DYNLRB2: variants seen among roughly 807,000 people sequenced by gnomAD.
DYNLRB2 encodes the protein dynein light chain roadblock-type 2, also known as bithoraxoid-like protein.
Under a neutral mutation model 12.6 loss-of-function variants are expected in DYNLRB2, and 14 were observed. The ratio of observed to expected loss-of-function variants is 1.11; its 90% CI spans 0.73 to 1.73. The LOEUF is 1.73. Among genes scored for constraint, DYNLRB2 ranks in the 40% most tolerant of loss-of-function variants. The pLI is 0.00. For missense variants in DYNLRB2, 142 were observed against 117.7 expected, an observed-to-expected ratio of 1.21 and a Z score of -0.95; for synonymous variants, 53 against 37.0, an observed-to-expected ratio of 1.43 and a Z score of -1.57.
Position 80,544,523 on chromosome 16 carries a change from G to C in DYNLRB2, c.79+1172G>C, listed in dbSNP as rs111413236. 1.0e-3 allele frequency among the ~76,000 whole-genome samples: 154 copies of C among 152,296 alleles called. 2 individuals are homozygous for C. Among genetic ancestry groups the C allele is most frequent in the Middle Eastern group, 6.8e-3 (2 of 294 alleles). ...ATTTCCAGGAAGCATTCCAGCCCTA[G>C]TACGTGGATCTGGTTGCATTGATTT... On this transcript the variant is annotated intron_variant, in intron 2 of 3. Transcript: ENST00000305904.
intron 2 of DYNLRB2, among the ~76,000 whole-genome samples, chr16:80,545,067 C>T (rs1329798516): frequency 6.6e-6 from 1 of 152,102 alleles, no homozygotes; most frequent in Non-Finnish European, 1.5e-5. Context: ...ACTCTTCAAC[C>T]CTGTACAGGT....
chr16:80,543,197 T>C, intron 1 of DYNLRB2, 79 bp from the exon 2 acceptor site: 3 of 1,401,098 alleles, frequency 2.1e-6, no homozygotes, highest in Admixed American at 1.8e-5. Flanking sequence ...AGAGTAGGTA[T>C]CTTGCTAAAC....
intron 1 of DYNLRB2, chr16:80,541,387 G>T (rs1904286861): frequency 2.0e-6 from 2 of 984,594 alleles, no homozygotes; most frequent in African/African-American, 3.5e-5. Context: ...AGAAATCCGG[G>T]GAGCCAGGAA....
chr16:80,542,417 C>G (rs753539589), intron 1 of DYNLRB2, among the ~76,000 whole-genome samples: 1 of 152,126 alleles, frequency 6.6e-6, no homozygotes, highest in Non-Finnish European at 1.5e-5. Flanking sequence ...CTGCCCATAC[C>G]AAGTACAAAG....
intron 3 of DYNLRB2, 120 bp downstream of exon 3, chr16:80,549,771 A>T: frequency 9.7e-7 from 1 of 1,032,042 alleles, no homozygotes; most frequent in Non-Finnish European, 1.3e-6. Context: ...ATATTCTTCT[A>T]TTACAAAATG....
intron 1 of DYNLRB2, among the ~76,000 whole-genome samples, chr16:80,542,509 T>A (rs895173254): frequency 6.6e-6 from 1 of 152,234 alleles, no homozygotes; most frequent in African/African-American, 2.4e-5. Context: ...TCAAGAGAAT[T>A]TGCAGAATTC....
At chr16:80,542,063 A>G (rs959488446) in intron 1 of DYNLRB2, among the ~76,000 whole-genome samples, 10 of 152,166 alleles carry the variant, frequency 6.6e-5, no homozygotes, top group African/African-American at 2.4e-4. Context: ...TACCACTGTC[A>G]TTTGGAAATT....
chr16:80,550,740 T>G lies in DYNLRB2; in HGVS notation c.*182T>G. The G allele has an allele frequency of 1.5e-6, 1 of 656,748 alleles. No individual in the cohort carries two copies. The highest frequency in any genetic ancestry group is 2.6e-6 in the Non-Finnish European group (1 of 386,790). The allele number at this position is 656,748 out of a possible 1,614,324, so 40.7% of individuals were successfully genotyped here. ...ATTATATTGTGAAGTTGTACTTTAGTGATACAATAAGTGAATTCTGGTATA... is the reference window on the plus strand; with the variant it reads ...ATTATATTGTGAAGTTGTACTTTAGGGATACAATAAGTGAATTCTGGTATA... On this transcript the variant is annotated 3_prime_UTR_variant, in exon 4 of 4. Transcript: ENST00000305904.
chr16:80,547,067 A>G (rs1473364448), intron 2 of DYNLRB2, among the ~76,000 whole-genome samples: 17 of 152,222 alleles, frequency 1.1e-4, no homozygotes, highest in Non-Finnish European at 2.5e-4. Flanking sequence ...CTTGTTTACA[A>G]AAGTAAAAGA....
chr16:80,548,902 C>T (rs909787238), intron 2 of DYNLRB2: 12 of 455,818 alleles, frequency 2.6e-5, no homozygotes, highest in Middle Eastern at 3.2e-4. Context: ...GATGTACCCT[C>T]TAGCATGTGC....
At position 80,541,265 on chromosome 16, in the gene DYNLRB2, G is replaced by A. The variant is rs1321164491; in HGVS notation, c.3+186G>A. The A allele has an allele frequency of 3.2e-6, 3 of 951,740 alleles. No homozygotes were observed. In the African/African-American group the frequency reaches 5.3e-5, roughly 17 times the overall value. 59.0% of individuals were successfully genotyped at this position (951,740 alleles called of 1,614,324 possible). ...TTGGAAAGGGGCAAGAAGATGTCTA[G>A]ATGACTGGAAGCTGTTTTGGGAATT... On this transcript the variant is annotated intron_variant, in intron 1 of 3. Coordinates refer to ENST00000305904, the MANE Select transcript of DYNLRB2 (RefSeq NM_130897.3).
intron 2 of DYNLRB2, among the ~76,000 whole-genome samples, chr16:80,547,488 G>A (rs1017122697): frequency 5.5e-5 from 7 of 126,766 alleles, no homozygotes; most frequent in African/African-American, 1.9e-4. Flanking sequence ...AAAACTCCAT[G>A]TGTTTCCACC....
In DYNLRB2 at chr16:80,549,532, C is replaced by T. The variant is rs1330863751; in HGVS notation, c.128C>T (p.Ala43Val). The change falls in exon 3 of 4, where the codon GCA becomes GTA. Residue 43 changes from alanine (A) to valine (V), a missense_variant. By Grantham distance (64) the Ala-to-Val change is moderately conservative. Coordinates refer to ENST00000305904, the MANE Select transcript of DYNLRB2 (RefSeq NM_130897.3). ...TLDNSTTVQY[A>V]GLLHHLTMKA... ...GACAACTCAACAACTGTTCAATATG[C>T]AGGCCTTCTTCATCACCTGACAATG... The T allele has an allele frequency of 1.2e-6, 2 of 1,613,222 alleles. No individual in the cohort carries two copies. Among genetic ancestry groups the T allele is most frequent in the East Asian group, 2.2e-5 (1 of 44,856 alleles).
chr16:80,543,132 T>A, intron 1 of DYNLRB2, 144 bp from the exon 2 acceptor site: 1 of 729,728 alleles, frequency 1.4e-6, no homozygotes, highest in Non-Finnish European at 2.2e-6. Flanking sequence ...ATTTCTAAGC[T>A]GTCTTTTAAA....
At chr16:80,544,436 T>C (rs943436507) in intron 2 of DYNLRB2, among the ~76,000 whole-genome samples, 2 of 152,230 alleles carry the variant, frequency 1.3e-5, no homozygotes, top group Non-Finnish European at 2.9e-5. Context: ...CGAGCTTGAA[T>C]AATCAGGGGG....
At position 80,549,572 on chromosome 16, in the gene DYNLRB2, A is replaced by C; in HGVS notation, c.168A>C (p.Thr56=). ...ACCTGACAATGAAAGCCAAAAGCACAGTTCGTGATATTGATCCTCAGAACG... is the reference window on the plus strand; with the variant it reads ...ACCTGACAATGAAAGCCAAAAGCACCGTTCGTGATATTGATCCTCAGAACG... ...LHHLTMKAKS[T]VRDIDPQNDL... Residue 56 remains threonine (T), a synonymous_variant, in exon 3 of 4, where the codon ACA becomes ACC. Transcript: ENST00000305904. 6.2e-7 allele frequency: 1 copy of C among 1,613,056 alleles called. No individual in the cohort carries two copies. Among genetic ancestry groups the C allele is most frequent in the Non-Finnish European group, 8.5e-7 (1 of 1,179,272 alleles).
intron 2 of DYNLRB2, 21 bp from the exon 3 acceptor site, chr16:80,549,463 C>A (rs755029193): frequency 1.3e-6 from 2 of 1,554,424 alleles, no homozygotes; most frequent in Admixed American, 1.8e-5. Context: ...AAATATTAAC[C>A]AAAATTAAAT....
At chr16:80,540,927 C>T (rs534875209), upstream of DYNLRB2, 347 of 1,436,394 alleles carry the variant, frequency 2.4e-4, 1 homozygote, top group Non-Finnish European at 3.1e-4. Flanking sequence ...GCGGTCAGGG[C>T]GAAAAAGCCG....
chr16:80,547,610 T>C (rs760614624), intron 2 of DYNLRB2: 4 of 351,978 alleles, frequency 1.1e-5, no homozygotes, highest in Non-Finnish European at 1.1e-5. Flanking sequence ...TTTTAAATAA[T>C]TTATTCTGGT....
Sources: allele counts gnomAD v4.1 joint callset (sites outside exome capture counted in the v4.1 genomes callset), GRCh38; gene constraint gnomAD v4.1.1; transcripts MANE v1.5; gene names NCBI Gene and HGNC (gene_info 2026-07-23, HGNC 2026-07-21).